Variants in CDKN2D observed in about 807,000 individuals in gnomAD.
CDKN2D encodes cyclin dependent kinase inhibitor 2D, also known as cyclin-dependent kinase 4 inhibitor D.
In CDKN2D, 3 loss-of-function variants were observed where a neutral mutation model predicts 4.7. That is an observed-to-expected ratio of 0.64 (90% CI 0.29 to 1.66). The LOEUF is 1.66. Among genes scored for constraint, CDKN2D ranks in the 40% most tolerant of loss-of-function variants. CDKN2D has a pLI of 0.10. For synonymous variants in CDKN2D, 91 were observed against 102.3 expected (o/e 0.89, Z 0.67); for missense variants, 196 against 230.9 (o/e 0.85, Z 0.98).
Position 10,568,610 on chromosome 19 carries a change from G to A in CDKN2D, c.44C>T (p.Ala15Val). ...CTCCTGCACGTCGCCCCGGGCCGCC[G>A]CCCCACTCAGCCGGTCGCCGGCGCG... ...EVRAGDRLSG[A>V]AARGDVQEVR... Residue 15 changes from alanine to valine, a missense_variant, in exon 1 of 2, where the codon GCG becomes GTG. Transcript: ENST00000393599. 5 of 1,507,856 alleles carry A rather than the reference G, an allele frequency of 3.3e-6. No homozygotes were observed. Among genetic ancestry groups the A allele is most frequent in the South Asian group, 1.2e-5 (1 of 81,198 alleles). 93.4% of individuals were successfully genotyped at this position (1,507,856 alleles called of 1,614,324 possible).
chr19:10,568,974 T>G lies in CDKN2D; in HGVS notation c.-321A>C, dbSNP rs879278397. On this transcript the variant is annotated 5_prime_UTR_variant, in exon 1 of 2. Transcript: ENST00000393599. ...TCCCTCCTCCTCGCCGGGCGGGGTC[T>G]GCTCTGAGCCTGCGCCGCCGCCGCC... 34 of 186,712 alleles carry G rather than the reference T, an allele frequency of 1.8e-4. No individual in the cohort carries two copies. The highest frequency in any genetic ancestry group is 2.0e-3 in the Middle Eastern group (1 of 506). The allele number at this position is 186,712 out of a possible 1,614,324, so 11.6% of individuals were successfully genotyped here.
chr19:10,568,748 CG>C lies in CDKN2D; in HGVS notation c.-96del. Reference sequence around the variant, plus strand: ...CGGGCGCTGGCCCGAACAGCCCTCCCGGGGCGCGGCCGCGGTGCACCCGGCT... The same window carrying C: ...CGGGCGCTGGCCCGAACAGCCCTCCCGGGCGCGGCCGCGGTGCACCCGGCT... On this transcript the variant is annotated 5_prime_UTR_variant, in exon 1 of 2. Coordinates refer to ENST00000393599, the MANE Select transcript of CDKN2D (RefSeq NM_001800.4). The C allele has an allele frequency of 4.5e-6, 4 of 896,336 alleles. No individual in the cohort carries two copies. Among genetic ancestry groups the C allele is most frequent in the Non-Finnish European group, 5.8e-6 (4 of 688,270 alleles). 55.5% of individuals were successfully genotyped at this position (896,336 alleles called of 1,614,324 possible). A position where few individuals can be genotyped will look rare whatever the true frequency, so the allele number is the denominator to read the frequency against.
Position 10,568,816 on chromosome 19 carries a change from C to A in CDKN2D, c.-163G>T, listed in dbSNP as rs1353850610. On this transcript the variant is annotated 5_prime_UTR_variant, in exon 1 of 2. Coordinates refer to ENST00000393599, the MANE Select transcript of CDKN2D (RefSeq NM_001800.4). ...CCGGCTCCCCAGCCCGAGACCCCGGCCCTCCCGGCGGGCTCCTCCCCCTGT... is the reference window on the plus strand; with the variant it reads ...CCGGCTCCCCAGCCCGAGACCCCGGACCTCCCGGCGGGCTCCTCCCCCTGT... 2.0e-5 allele frequency: 8 copies of A among 400,106 alleles called. No individual in the cohort carries two copies. The highest frequency in any genetic ancestry group is 4.1e-6 in the Non-Finnish European group (1 of 244,838). 24.8% of individuals were successfully genotyped at this position (400,106 alleles called of 1,614,324 possible).
Position 10,568,815 on chromosome 19 carries a change from G to A in CDKN2D, c.-162C>T. 5 of 399,184 alleles carry A rather than the reference G, an allele frequency of 1.3e-5. No homozygotes were observed. The highest frequency in any genetic ancestry group is 2.0e-5 in the Non-Finnish European group (5 of 244,086). 24.7% of individuals were successfully genotyped at this position (399,184 alleles called of 1,614,324 possible). ...CCCGGCTCCCCAGCCCGAGACCCCG[G>A]CCCTCCCGGCGGGCTCCTCCCCCTG... On this transcript the variant is annotated 5_prime_UTR_variant, in exon 1 of 2. Transcript: ENST00000393599.
At position 10,568,661 on chromosome 19, in the gene CDKN2D, C is replaced by A. The variant is rs765937533; in HGVS notation, c.-8G>T. 25 of 1,455,018 alleles carry A rather than the reference C, an allele frequency of 1.7e-5. No homozygotes were observed. The South Asian group carries it at 3.0e-4, about 17-fold the overall frequency. 90.1% of individuals were successfully genotyped at this position (1,455,018 alleles called of 1,614,324 possible). A position where few individuals can be genotyped will look rare whatever the true frequency, so the allele number is the denominator to read the frequency against. On this transcript the variant is annotated 5_prime_UTR_variant, in exon 1 of 2. Transcript: ENST00000393599. ...AACCTCCTCCAGCAGCATGTCGACA[C>A]TGGCGGCCTGCAAAGCCCCCCGCCC...
chr19:10,567,040 G>T lies in CDKN2D; in HGVS notation c.*18C>A, dbSNP rs1325883436. On this transcript the variant is annotated 3_prime_UTR_variant, in exon 2 of 2. Transcript: ENST00000393599. ...CATAACCCCACGGGGTTCTCTTGCT[G>T]GAGAGGGTGACCCCAGATCACAGCG... 1 of 1,578,262 alleles carries T rather than the reference G, an allele frequency of 6.3e-7. No homozygotes were observed. Among genetic ancestry groups the T allele is most frequent in the African/African-American group, 1.4e-5 (1 of 73,692 alleles).
chr19:10,566,765 T>C lies in CDKN2D; in HGVS notation c.*293A>G, dbSNP rs1011518016. 1 of 416,656 alleles carries C rather than the reference T, an allele frequency of 2.4e-6. No homozygotes were observed. Among genetic ancestry groups the C allele is most frequent in the Admixed American group, 4.2e-5 (1 of 23,592 alleles). The allele number at this position is 416,656 out of a possible 1,614,324, so 25.8% of individuals were successfully genotyped here. A position where few individuals can be genotyped will look rare whatever the true frequency, so the allele number is the denominator to read the frequency against. ...GACTTCACTCTTAAATGCTCTGCCC[T>C]TGGGTCTCGTCTGAGGCCCCAGCAG... On this transcript the variant is annotated 3_prime_UTR_variant, in exon 2 of 2. Coordinates refer to ENST00000393599, the MANE Select transcript of CDKN2D (RefSeq NM_001800.4).
rs1380079138 is a variant in CDKN2D at position 10,568,500 on chromosome 19, G to A, written c.141+13C>T. ...TAGCCGCCCCGCCCCAACCTGGACC[G>A]GCCCGGCCTCACCTGCAGCGCCGTC... On this transcript the variant is annotated intron_variant, in intron 1 of 1. Transcript: ENST00000393599. 1 of 1,397,404 alleles carries A rather than the reference G, an allele frequency of 7.2e-7. No individual in the cohort carries two copies. The highest frequency in any genetic ancestry group is 9.3e-7 in the Non-Finnish European group (1 of 1,070,538). 86.6% of individuals were successfully genotyped at this position (1,397,404 alleles called of 1,614,324 possible). A position where few individuals can be genotyped will look rare whatever the true frequency, so the allele number is the denominator to read the frequency against.
At chr19:10,568,477 GC>G (rs1458356952) in intron 1 of CDKN2D, 35 bp downstream of exon 1, 19 of 1,330,138 alleles carry the variant, frequency 1.4e-5, no homozygotes, top group Non-Finnish European at 1.7e-5. Flanking sequence ...ATCCCGCTTA[GC>G]CGCCCCGCCC....
Position 10,567,198 on chromosome 19 carries a change from C to T in CDKN2D, c.361G>A (p.Ala121Thr). 1 of 1,614,212 alleles carries T rather than the reference C, an allele frequency of 6.2e-7. No individual in the cohort carries two copies. The highest frequency in any genetic ancestry group is 8.5e-7 in the Non-Finnish European group (1 of 1,180,034). ...IHLAVQEGHT[A>T]VVSFLAAESD... is the part of the protein sequence containing the mutation. ...TCAGCTGCCAGAAAGCTGACCACAG[C>T]AGTGTGACCCTCTTGAACTGCCAGA... Residue 121 changes from alanine (A) to threonine (T), a missense_variant, in exon 2 of 2, where the codon GCT becomes ACT. Transcript: ENST00000393599.
chr19:10,567,362 C>T lies in CDKN2D; in HGVS notation c.197G>A (p.Ser66Asn). The T allele has an allele frequency of 6.2e-7, 1 of 1,614,150 alleles. No homozygotes were observed. The highest frequency in any genetic ancestry group is 8.5e-7 in the Non-Finnish European group (1 of 1,180,012). ...IALELLKQGASPNVQDTSGTS... is the reference protein window; with the variant it reads ...IALELLKQGANPNVQDTSGTS... ...ACCGGAGGTGTCCTGGACATTGGGG[C>T]TGGCACCTTGCTTCAGCAGCTCCAG... The change falls in exon 2 of 2, where the codon AGC becomes AAC. Residue 66 changes from serine (S) to asparagine (N), a missense_variant. Transcript: ENST00000393599.
rs769744236 is a variant in CDKN2D, at chr19:10,567,177, C to G, written c.382G>C (p.Ala128Pro). Residue 128 changes from alanine to proline, a missense_variant, in exon 2 of 2, where the codon GCT (alanine) becomes CCT (proline). By Grantham distance (27) the Ala-to-Pro change is conservative. Coordinates refer to ENST00000393599, the MANE Select transcript of CDKN2D (RefSeq NM_001800.4). ...TCCCTGCGATGGAGATCAGATTCAG[C>G]TGCCAGAAAGCTGACCACAGCAGTG... ...GHTAVVSFLA[A>P]ESDLHRRDAR... is the part of the protein sequence containing the mutation. The G allele has an allele frequency of 2.8e-5, 46 of 1,614,068 alleles. 1 individual carries two copies. The East Asian group carries it at 1.0e-3, about 35-fold the overall frequency.
chr19:10,568,463 C>A, intron 1 of CDKN2D, 50 bp downstream of exon 1: 1 of 1,319,206 alleles, frequency 7.6e-7, no homozygotes, highest in Non-Finnish European at 9.7e-7. Context: ...GGGTCTCGAT[C>A]CTCATCCCGC....
At chr19:10,568,278 G>A (rs1916956445) in intron 1 of CDKN2D, among the ~76,000 whole-genome samples, 1 of 152,160 alleles carries the variant, frequency 6.6e-6, no homozygotes, top group African/African-American at 2.4e-5. Context: ...GGCACTCAGA[G>A]AACCAGGAAT....
At chr19:10,568,138 C>T (rs1259223496) in intron 1 of CDKN2D, among the ~76,000 whole-genome samples, 2 of 152,012 alleles carry the variant, frequency 1.3e-5, no homozygotes, top group African/African-American at 4.8e-5. Flanking sequence ...GAGACAGGAC[C>T]TCTCCTTCCA....
In CDKN2D at chr19:10,568,854, G is replaced by C. The variant is rs980438726; in HGVS notation, c.-201C>G. On this transcript the variant is annotated 5_prime_UTR_variant, in exon 1 of 2. Transcript: ENST00000393599. Reference sequence around the variant, plus strand: ...CTCCTCCCCCTGTCAGCCGGAGGACGGCGAGGGGCTGGGAGCCGGGCCCAA... The same window carrying C: ...CTCCTCCCCCTGTCAGCCGGAGGACCGCGAGGGGCTGGGAGCCGGGCCCAA... 9.6e-6 allele frequency: 3 copies of C among 313,056 alleles called. No individual in the cohort carries two copies. Among genetic ancestry groups the C allele is most frequent in the African/African-American group, 2.2e-5 (1 of 45,848 alleles). 19.4% of individuals were successfully genotyped at this position (313,056 alleles called of 1,614,324 possible).
chr19:10,566,912 C>T lies in CDKN2D; in HGVS notation c.*146G>A. 1.3e-6 allele frequency: 1 copy of T among 799,486 alleles called. No homozygotes were observed. Among genetic ancestry groups the T allele is most frequent in the Non-Finnish European group, 2.0e-6 (1 of 508,010 alleles). 49.5% of individuals were successfully genotyped at this position (799,486 alleles called of 1,614,324 possible). Reference sequence around the variant, plus strand: ...GAAACGTCCCCCAAACACTCACACCCCCAAAACCAACACCTATAAGCCACA... The same window carrying T: ...GAAACGTCCCCCAAACACTCACACCTCCAAAACCAACACCTATAAGCCACA... On this transcript the variant is annotated 3_prime_UTR_variant, in exon 2 of 2. Coordinates refer to ENST00000393599, the MANE Select transcript of CDKN2D (RefSeq NM_001800.4).
In CDKN2D at chr19:10,566,901, ACACT is replaced by A. The variant is rs1803671147; in HGVS notation, c.*153_*156del. The A allele has an allele frequency of 1.4e-6, 1 of 703,300 alleles. No homozygotes were observed. The highest frequency in any genetic ancestry group is 4.1e-4 in the Middle Eastern group (1 of 2,454). The allele number at this position is 703,300 out of a possible 1,614,324, so 43.6% of individuals were successfully genotyped here. A position where few individuals can be genotyped will look rare whatever the true frequency, so the allele number is the denominator to read the frequency against. On this transcript the variant is annotated 3_prime_UTR_variant, in exon 2 of 2. Transcript: ENST00000393599. ...AAAACAAATGAGAAACGTCCCCCAA[ACACT>A]CACACCCCCAAAACCAACACCTATA...
In CDKN2D at chr19:10,568,698, G is replaced by C. The variant is rs1916973231; in HGVS notation, c.-45C>G. ...AAAGCCCCCCGCCCCGCCCCAGCCCGGCGCTGTCAGCGCGGAGCAGCCGGC... is the reference window on the plus strand; with the variant it reads ...AAAGCCCCCCGCCCCGCCCCAGCCCCGCGCTGTCAGCGCGGAGCAGCCGGC... On this transcript the variant is annotated 5_prime_UTR_variant, in exon 1 of 2. Coordinates refer to ENST00000393599, the MANE Select transcript of CDKN2D (RefSeq NM_001800.4). The C allele has an allele frequency of 7.7e-7, 1 of 1,304,032 alleles. No individual in the cohort carries two copies. Among genetic ancestry groups the C allele is most frequent in the Non-Finnish European group, 9.7e-7 (1 of 1,027,064 alleles). The allele number at this position is 1,304,032 out of a possible 1,614,324, so 80.8% of individuals were successfully genotyped here. A position where few individuals can be genotyped will look rare whatever the true frequency, so the allele number is the denominator to read the frequency against.
Sources: allele counts gnomAD v4.1 joint callset (sites outside exome capture counted in the v4.1 genomes callset), GRCh38; gene constraint gnomAD v4.1.1; transcripts MANE v1.5; gene names NCBI Gene and HGNC (gene_info 2026-07-23, HGNC 2026-07-21).